Variants in ZNF90 observed in about 807,000 individuals in gnomAD.
ZNF90 encodes the protein zinc finger protein 90, also known as zinc finger protein HTF9.
In ZNF90, 11 loss-of-function variants were observed where a neutral mutation model predicts 12.0. That is an observed-to-expected ratio of 0.92 (90% CI 0.58 to 1.52). The LOEUF (loss-of-function observed/expected upper bound fraction) is 1.52. ZNF90 is among the 40% of genes most tolerant of loss of function. The pLI, the probability that ZNF90 is intolerant of heterozygous loss-of-function variation, is 0.00. For synonymous variants in ZNF90, 232 were observed against 240.1 expected (o/e 0.97, Z 0.31); for missense variants, 765 against 711.5 (o/e 1.08, Z -0.86).
intron 1 of ZNF90, among the ~76,000 whole-genome samples, chr19:20,088,649 C>T (rs1196953290): frequency 6.6e-6 from 1 of 152,172 alleles, no homozygotes; most frequent in Non-Finnish European, 1.5e-5. Flanking sequence ...GCAGGGTCCT[C>T]CTTTTTCAGC....
chr19:20,102,214 G>A (rs922531211), intron 1 of ZNF90, among the ~76,000 whole-genome samples: 12 of 152,056 alleles, frequency 7.9e-5, no homozygotes, highest in African/African-American at 2.2e-4. Flanking sequence ...CAACTTCCTC[G>A]ATCTTAATGT....
chr19:20,082,187 C>CT (rs2088825409), intron 1 of ZNF90, among the ~76,000 whole-genome samples: 1 of 152,106 alleles, frequency 6.6e-6, no homozygotes, highest in Non-Finnish European at 1.5e-5. Flanking sequence ...ACGTATAGCA[C>CT]CAAACATGTC....
In ZNF90 at chr19:20,118,595, C is replaced by A. The variant is rs1555706079; in HGVS notation, c.1041C>A (p.Gly347=). The A allele has an allele frequency of 6.2e-6, 10 of 1,612,640 alleles. No homozygotes were observed. The highest frequency in any genetic ancestry group is 4.0e-5 in the African/African-American group (3 of 74,846). The change falls in exon 4 of 4, where the codon GGC becomes GGA. Residue 347 remains glycine, a synonymous_variant. Transcript: ENST00000418063. ...AACCCTACAAATGTGAAGAATGTGGCAAAGCCTTCAGGCGCTCCTTAGTCC... is the reference window on the plus strand; with the variant it reads ...AACCCTACAAATGTGAAGAATGTGGAAAAGCCTTCAGGCGCTCCTTAGTCC... The part of the protein sequence containing the change: ...GEKPYKCEEC[G]KAFRRSLVLR...
At chr19:20,097,356 C>T (rs554932723) in intron 1 of ZNF90, among the ~76,000 whole-genome samples, 48 of 152,318 alleles carry the variant, frequency 3.2e-4, no homozygotes, top group Admixed American at 1.4e-3. Context: ...GCACAGTGCA[C>T]GCTGTCCCCT....
chr19:20,101,626 C>G (rs932762399), intron 1 of ZNF90, among the ~76,000 whole-genome samples: 3 of 152,138 alleles, frequency 2.0e-5, no homozygotes, highest in African/African-American at 4.8e-5. Flanking sequence ...CTTTTTCTGT[C>G]TTTGTTTTTC....
rs782642594 is a variant in ZNF90, at chr19:20,118,952, A to C, written c.1398A>C (p.Ser466=). The C allele has an allele frequency of 2.5e-6, 4 of 1,612,742 alleles. No individual in the cohort carries two copies. The highest frequency in any genetic ancestry group is 2.2e-5 in the East Asian group (1 of 44,830). ...EECGKAFKRS[S]NLTTHKISHT... Reference sequence around the variant, plus strand: ...GTGGCAAAGCCTTCAAGCGCTCCTCAAACCTTACTACACATAAGATAAGTC... The same window carrying C: ...GTGGCAAAGCCTTCAAGCGCTCCTCCAACCTTACTACACATAAGATAAGTC... Residue 466 remains serine (S), a synonymous_variant, in exon 4 of 4, where the codon TCA becomes TCC. Coordinates refer to ENST00000418063, the MANE Select transcript of ZNF90 (RefSeq NM_007138.2).
At chr19:20,109,950 T>C (rs561809531) in intron 3 of ZNF90, among the ~76,000 whole-genome samples, 92 of 152,348 alleles carry the variant, frequency 6.0e-4, no homozygotes, top group African/African-American at 2.1e-3. Flanking sequence ...ACTGCTCATT[T>C]TACCCTCTCT....
chr19:20,115,716 C>G (rs557339470), intron 3 of ZNF90, among the ~76,000 whole-genome samples: 4 of 151,928 alleles, frequency 2.6e-5, no homozygotes, highest in Admixed American at 6.6e-5. Flanking sequence ...ATGTTTACAT[C>G]ATTTTTCTTT....
chr19:20,095,630 ATTGGGGCACAGATAAGAGG>A (rs1555703174), intron 1 of ZNF90, among the ~76,000 whole-genome samples: 1 of 151,878 alleles, frequency 6.6e-6, no homozygotes, highest in Non-Finnish European at 1.5e-5. Flanking sequence ...GAAATAAGGG[ATTGGGGCACAGATAAGAGG>A]TTGGGGTGCA....
In ZNF90 at chr19:20,079,626, T is replaced by A. The variant is rs888429328; in HGVS notation, c.3+1491T>A. On this transcript the variant is annotated intron_variant, in intron 1 of 3. Coordinates refer to ENST00000418063, the MANE Select transcript of ZNF90 (RefSeq NM_007138.2). ...GCAAATGGAGGGTGCAAAAGTCAGA[T>A]TTTATATCAGAGAATGTCTTACTCT... is the stretch of plus-strand genomic sequence containing the variant. Among the ~76,000 whole-genome samples the A allele has an allele frequency of 1.1e-4, 16 of 152,074 alleles. 1 individual carries two copies.
At chr19:20,107,615 C>T (rs1236624710) in intron 3 of ZNF90, among the ~76,000 whole-genome samples, 2 of 152,102 alleles carry the variant, frequency 1.3e-5, no homozygotes, top group African/African-American at 4.8e-5. Flanking sequence ...CTTTTTCTCT[C>T]ATAAAGGCAT....
At chr19:20,091,329 A>G (rs982655337) in intron 1 of ZNF90, among the ~76,000 whole-genome samples, 5 of 152,136 alleles carry the variant, frequency 3.3e-5, no homozygotes, top group African/African-American at 4.8e-5. Flanking sequence ...ATAGATTTCC[A>G]TGATGGAAAG....
At chr19:20,113,450 C>G (rs2089108148) in intron 3 of ZNF90, among the ~76,000 whole-genome samples, 1 of 152,026 alleles carries the variant, frequency 6.6e-6, no homozygotes, top group Admixed American at 6.5e-5. Context: ...ACCTTGGCCT[C>G]CCAAAGTGCT....
At position 20,097,544 on chromosome 19, in the gene ZNF90, A is replaced by G. The variant is rs189560920; in HGVS notation, c.4-6695A>G. ...GGATTCAGAGACCATGGGGCCCACA[A>G]ACCCAATTAGAGTAACGTGTGCATT... On this transcript the variant is annotated intron_variant, in intron 1 of 3. Transcript: ENST00000418063. Among the ~76,000 whole-genome samples the G allele has an allele frequency of 1.1e-4, 17 of 152,312 alleles. No homozygotes were observed. In the East Asian group the frequency reaches 2.5e-3, roughly 22 times the overall value.
At chr19:20,102,726 T>A (rs567692219) in intron 1 of ZNF90, among the ~76,000 whole-genome samples, 175 of 152,298 alleles carry the variant, frequency 1.1e-3, no homozygotes, top group South Asian at 2.7e-3. Flanking sequence ...GGTCCTTAGT[T>A]AAGATGGAGA....
intron 1 of ZNF90, among the ~76,000 whole-genome samples, chr19:20,098,443 T>A (rs2088965202): frequency 6.6e-6 from 1 of 152,218 alleles, no homozygotes; most frequent in Admixed American, 6.5e-5. Flanking sequence ...TGGCAGAATC[T>A]GTAAATGTAA....
intron 1 of ZNF90, among the ~76,000 whole-genome samples, chr19:20,103,703 A>G (rs1437054715): frequency 3.9e-5 from 6 of 152,360 alleles, no homozygotes; most frequent in African/African-American, 1.4e-4. Context: ...TGGGAAAAAC[A>G]AAGGTTCTTC....
chr19:20,089,282 C>T (rs573022639), intron 1 of ZNF90, among the ~76,000 whole-genome samples: 12 of 152,074 alleles, frequency 7.9e-5, no homozygotes, highest in South Asian at 2.1e-4. Context: ...TATAAGTAAA[C>T]GAGAAGAGGG....
At chr19:20,106,997 T>C in intron 3 of ZNF90, 2 of 454,562 alleles carry the variant, frequency 4.4e-6, no homozygotes, top group Non-Finnish European at 8.8e-6. Context: ...CTAGGGCATG[T>C]TTTTGCAGTC....
Sources: gnomAD v4.1 joint callset for allele counts (sites outside exome capture counted in the v4.1 genomes callset) on GRCh38, gnomAD v4.1.1 for gene constraint, MANE v1.5 for transcripts, NCBI Gene and HGNC (gene_info 2026-07-23, HGNC 2026-07-21) for gene names.